GRIA3: variants seen among roughly 807,000 people sequenced by gnomAD.
GRIA3 encodes glutamate receptor 3.
In GRIA3, 3 loss-of-function variants were observed where a neutral mutation model predicts 63.0. The ratio of observed to expected loss-of-function variants is 0.05; its 90% CI spans 0.02 to 0.12. The LOEUF is 0.12. GRIA3 is among the 10% of genes least tolerant of loss of function. The pLI is 1.00. For missense variants in GRIA3, 347 were observed against 700.9 expected, an observed-to-expected ratio of 0.50 and a Z score of 5.70; for synonymous variants, 274 against 257.9, an observed-to-expected ratio of 1.06 and a Z score of -0.60.
chrX:123,380,008 G>C, intron 5 of GRIA3, among the ~76,000 whole-genome samples: 1 of 110,550 alleles, frequency 9.0e-6, no homozygotes, highest in East Asian at 2.8e-4. Context: ...ATTCCATGGT[G>C]TATATGTGTC....
At chrX:123,205,232 C>T (rs1047728654) in intron 2 of GRIA3, among the ~76,000 whole-genome samples, 2 of 112,079 alleles carry the variant, frequency 1.8e-5, no homozygotes, top group Non-Finnish European at 3.8e-5. Context: ...TCTTATGCTC[C>T]TTCCATGCAA....
intron 11 of GRIA3, 113 bp downstream of exon 11, chrX:123,417,891 T>C: frequency 1.5e-6 from 1 of 673,643 alleles, no homozygotes; most frequent in Admixed American, 2.3e-5. Context: ...TAACATTCCA[T>C]CAAATGACAG....
intron 2 of GRIA3, among the ~76,000 whole-genome samples, chrX:123,233,808 T>A (rs759995140): frequency 4.5e-5 from 5 of 111,765 alleles, no homozygotes; most frequent in Non-Finnish European, 7.5e-5. Context: ...GGGAATTTGA[T>A]GATCAGAGGT....
At chrX:123,464,680 T>C (rs928936957) in intron 12 of GRIA3, among the ~76,000 whole-genome samples, 185 bp from the exon 13 acceptor site, 1 of 110,981 alleles carries the variant, frequency 9.0e-6, no homozygotes, top group Non-Finnish European at 1.9e-5. Flanking sequence ...ATAGCAAGGA[T>C]GAGTGTGGTT....
At chrX:123,232,774 T>C (rs1460336285) in intron 2 of GRIA3, among the ~76,000 whole-genome samples, 2 of 111,136 alleles carry the variant, frequency 1.8e-5, no homozygotes, top group Admixed American at 1.9e-4. Flanking sequence ...ACAAGCAGCA[T>C]AATAATGAAA....
At chrX:123,379,817 C>T (rs1376955694) in intron 5 of GRIA3, among the ~76,000 whole-genome samples, 6 of 87,909 alleles carry the variant, frequency 6.8e-5, no homozygotes, top group Non-Finnish European at 1.1e-4. Context: ...CAACAGGCCC[C>T]GGTGTGTGAT....
intron 4 of GRIA3, among the ~76,000 whole-genome samples, chrX:123,343,980 TC>T (rs2045026999): frequency 1.8e-5 from 2 of 111,168 alleles, no homozygotes; most frequent in African/African-American, 6.6e-5. Context: ...CATTTAGGTC[TC>T]ACAATAACCC....
At position 123,385,857 on chromosome X, in the gene GRIA3, A is replaced by T. The variant is rs188945023; in HGVS notation, c.751-9111A>T. On this transcript the variant is annotated intron_variant, in intron 5 of 15. Coordinates refer to ENST00000620443, the MANE Select transcript of GRIA3 (RefSeq NM_007325.5). The stretch of plus-strand genomic sequence containing the variant: ...TGATGAACACACTTAGGTTGATTCC[A>T]TATCTTTGTTATTGTTAATAGTGCT... Among the ~76,000 whole-genome samples, 956 of 112,073 alleles carry T rather than the reference A, an allele frequency of 8.5e-3. 11 individuals carry two copies. The highest frequency in any genetic ancestry group is 0.029 in the African/African-American group (903 of 30,887).
At chrX:123,303,527 A>G (rs746679738) in intron 3 of GRIA3, among the ~76,000 whole-genome samples, 1 of 111,402 alleles carries the variant, frequency 9.0e-6, no homozygotes, top group East Asian at 2.8e-4. Flanking sequence ...ACTATGGTTA[A>G]AAAGTTCATC....
chrX:123,325,497 T>A lies in GRIA3; in HGVS notation c.509-529T>A, dbSNP rs757829560. 5.8e-4 allele frequency among the ~76,000 whole-genome samples: 65 copies of A among 112,055 alleles called. No homozygotes were observed. The Middle Eastern group carries it at 0.014, about 24-fold the overall frequency. On this transcript the variant is annotated intron_variant, in intron 3 of 15. Transcript: ENST00000620443. ...TGATCAAGAGCTCACGAGTATGATA[T>A]CTTTGTTATAGATTGTCTTTTTCAG...
chrX:123,398,666 C>T lies in GRIA3; in HGVS notation c.943C>T (p.Leu315=). 8.3e-7 allele frequency: 1 copy of T among 1,207,339 alleles called. No homozygotes were observed. The highest frequency in any genetic ancestry group is 1.1e-6 in the Non-Finnish European group (1 of 891,792). The change falls in exon 7 of 16, where the codon CTG becomes TTG. Residue 315 remains leucine (L), a synonymous_variant. Coordinates refer to ENST00000620443, the MANE Select transcript of GRIA3 (RefSeq NM_007325.5). The part of the protein sequence containing the change: ...YTSALTHDAI[L]VIAEAFRYLR... ...ATCTGCATTGACACACGACGCAATACTGGTCATAGCAGAAGCTTTCCGCTA... is the reference window on the plus strand; with the variant it reads ...ATCTGCATTGACACACGACGCAATATTGGTCATAGCAGAAGCTTTCCGCTA...
rs1335064906 is a variant in GRIA3, at chrX:123,283,473, C to T, written c.508+29931C>T. ...CTCAGCAGACCCCACCCTCATGGAG[C>T]CCAGCAAGCTAAGATCCACTGGCTT... is the stretch of plus-strand genomic sequence containing the variant. On this transcript the variant is annotated intron_variant, in intron 3 of 15. Transcript: ENST00000620443. 7.2e-5 allele frequency among the ~76,000 whole-genome samples: 8 copies of T among 111,743 alleles called. No individual in the cohort carries two copies. In the East Asian group the frequency reaches 2.0e-3, roughly 28 times the overall value.
chrX:123,404,615 C>T (rs2045462183), intron 9 of GRIA3, 93 bp from the exon 10 acceptor site: 1 of 627,396 alleles, frequency 1.6e-6, no homozygotes, highest in African/African-American at 2.2e-5. Context: ...CATACCAAAC[C>T]TCAATAGTCA....
intron 2 of GRIA3, among the ~76,000 whole-genome samples, chrX:123,206,467 C>A (rs1385557433): frequency 3.6e-5 from 4 of 112,107 alleles, no homozygotes; most frequent in African/African-American, 1.3e-4. Flanking sequence ...CCCCTCACTG[C>A]AGCAATCTGC....
intron 11 of GRIA3, among the ~76,000 whole-genome samples, chrX:123,422,897 T>C (rs1422929618): frequency 1.8e-5 from 2 of 112,462 alleles, no homozygotes; most frequent in African/African-American, 6.5e-5. Flanking sequence ...TTCTTGAACT[T>C]GCTTTTGTTA....
intron 3 of GRIA3, among the ~76,000 whole-genome samples, chrX:123,324,846 A>T (rs2044889772): frequency 9.0e-6 from 1 of 111,530 alleles, no homozygotes; most frequent in South Asian, 3.8e-4. Context: ...CAATGAAGAA[A>T]ATTCCGAATT....
chrX:123,247,042 T>G (rs1417300595), intron 2 of GRIA3, among the ~76,000 whole-genome samples: 1 of 111,694 alleles, frequency 9.0e-6, no homozygotes, highest in African/African-American at 3.3e-5. Context: ...CTCCTAGCTC[T>G]AAGTTTCTTT....
intron 3 of GRIA3, among the ~76,000 whole-genome samples, chrX:123,289,378 C>T (rs888424665): frequency 3.7e-5 from 4 of 108,060 alleles, no homozygotes; most frequent in African/African-American, 1.4e-4. Context: ...TGTAACAAAC[C>T]TGCACGTTCT....
chrX:123,232,062 C>T (rs1395424566), intron 2 of GRIA3, among the ~76,000 whole-genome samples: 1 of 111,748 alleles, frequency 8.9e-6, no homozygotes, highest in Non-Finnish European at 1.9e-5. Context: ...AGCCTATATT[C>T]AAAGCAGTAG....
Sources: allele counts gnomAD v4.1 joint callset (sites outside exome capture counted in the v4.1 genomes callset), GRCh38; gene constraint gnomAD v4.1.1; transcripts MANE v1.5; gene names NCBI Gene and HGNC (gene_info 2026-07-23, HGNC 2026-07-21).